Variants in HERC4 observed in about 807,000 individuals in gnomAD.
The protein encoded by HERC4 is probable E3 ubiquitin-protein ligase HERC4.
A neutral mutation model predicts 124.3 loss-of-function variants in HERC4; 28 were observed. That is an observed-to-expected ratio of 0.23 (90% CI 0.17 to 0.31). The LOEUF is 0.31. HERC4 is among the 10% of genes least tolerant of loss of function. The pLI is 1.00. For synonymous variants in HERC4, 407 were observed against 421.5 expected, an observed-to-expected ratio of 0.97 and a Z score of 0.42; for missense variants, 713 against 1,229.3, an observed-to-expected ratio of 0.58 and a Z score of 6.28.
intron 7 of HERC4, among the ~76,000 whole-genome samples, chr10:68,028,152 T>G (rs2039001539): frequency 6.6e-6 from 1 of 151,560 alleles, no homozygotes; most frequent in Admixed American, 6.6e-5. Context: ...GCTGGAATTC[T>G]TCTATAAATA....
chr10:67,955,222 A>T, intron 17 of HERC4, 92 bp from the exon 18 acceptor site: 1 of 1,050,292 alleles, frequency 9.5e-7, no homozygotes, highest in Non-Finnish European at 1.4e-6. Flanking sequence ...AGTTACAGGT[A>T]TTCTATAATT....
At chr10:67,943,651 T>C (rs2033099099) in intron 19 of HERC4, among the ~76,000 whole-genome samples, 1 of 152,186 alleles carries the variant, frequency 6.6e-6, no homozygotes, top group Admixed American at 6.5e-5. Flanking sequence ...CTGAGACAGC[T>C]GATAGTTAGG....
intron 15 of HERC4, among the ~76,000 whole-genome samples, chr10:67,976,626 T>G (rs1472782045): frequency 6.6e-6 from 1 of 152,096 alleles, no homozygotes; most frequent in East Asian, 1.9e-4. Context: ...AGCACCTGGT[T>G]TCAACTTCAT....
In HERC4 at chr10:68,032,868, A is replaced by G; in HGVS notation, c.687T>C (p.Asp229=). The G allele has an allele frequency of 6.9e-7, 1 of 1,443,362 alleles. No homozygotes were observed. The highest frequency in any genetic ancestry group is 9.8e-7 in the Non-Finnish European group (1 of 1,024,712). 89.4% of individuals were successfully genotyped at this position (1,443,362 alleles called of 1,614,324 possible). A position where few individuals can be genotyped will look rare whatever the true frequency, so the allele number is the denominator to read the frequency against. ...ACTTTAGTAAATTAGGAACATACCT[A>G]TCTGAAAATTCCAACAAGAGATGTT... The part of the protein sequence containing the change: ...FGQLGLNDEN[D]RYVPNLLKSL... The change falls in exon 7 of 25, where the codon GAT becomes GAC. Residue 229 remains aspartate, a splice_region_variant and synonymous_variant. Coordinates refer to ENST00000373700, the MANE Select transcript of HERC4 (RefSeq NM_015601.4).
At chr10:68,004,232 T>C (rs926609571) in intron 9 of HERC4, among the ~76,000 whole-genome samples, 2 of 152,234 alleles carry the variant, frequency 1.3e-5, no homozygotes, top group Non-Finnish European at 1.5e-5. Flanking sequence ...AACCGAGTTG[T>C]TGAGTTCAAC....
At chr10:67,948,924 C>T (rs2033589342) in intron 19 of HERC4, among the ~76,000 whole-genome samples, 1 of 148,762 alleles carries the variant, frequency 6.7e-6, no homozygotes, top group South Asian at 2.1e-4. Flanking sequence ...CTATCTCACA[C>T]CCTCAAAATA....
At chr10:68,026,457 A>G (rs558945635) in intron 7 of HERC4, among the ~76,000 whole-genome samples, 5 of 152,282 alleles carry the variant, frequency 3.3e-5, no homozygotes, top group African/African-American at 9.6e-5. Context: ...AAAACTCCCT[A>G]TAAAAACATA....
chr10:67,954,429 T>G lies in HERC4; in HGVS notation c.2337+166A>C, dbSNP rs540158032. The G allele has an allele frequency of 4.2e-5, 19 of 455,080 alleles. No individual in the cohort carries two copies. The South Asian group carries it at 1.5e-3, about 35-fold the overall frequency. 28.2% of individuals were successfully genotyped at this position (455,080 alleles called of 1,614,324 possible). ...TGTGTGGTAAGCATCAAATGTATTT[T>G]GACAACTCCAAGTCCAAAGTTTATA... On this transcript the variant is annotated intron_variant, in intron 19 of 24. Transcript: ENST00000373700.
intron 15 of HERC4, among the ~76,000 whole-genome samples, chr10:67,986,197 G>A (rs1206125803): frequency 6.6e-6 from 1 of 152,162 alleles, no homozygotes; most frequent in African/African-American, 2.4e-5. Context: ...AGTCATACCA[G>A]TATCATCCTG....
chr10:67,971,466 T>C (rs974109815), intron 15 of HERC4, among the ~76,000 whole-genome samples: 3 of 151,962 alleles, frequency 2.0e-5, no homozygotes, highest in Non-Finnish European at 2.9e-5. Flanking sequence ...ATCTCAAGAA[T>C]GCAAGGTTGG....
At chr10:67,951,206 T>C (rs1232348007) in intron 19 of HERC4, among the ~76,000 whole-genome samples, 1 of 152,172 alleles carries the variant, frequency 6.6e-6, no homozygotes, top group Non-Finnish European at 1.5e-5. Context: ...TCTGTGTTTC[T>C]AGCAGCACAG....
In HERC4 at chr10:68,009,306, T is replaced by C. The variant is rs2037786814; in HGVS notation, c.1069+4720A>G. The stretch of plus-strand genomic sequence containing the variant: ...TTTTCTTTTTTTTCTTTTATAGAGA[T>C]GAGAGTTAATGTGGCCCCAGCTGGT... On this transcript the variant is annotated intron_variant, in intron 9 of 24. Coordinates refer to ENST00000373700, the MANE Select transcript of HERC4 (RefSeq NM_015601.4). Among the ~76,000 whole-genome samples, 4 of 152,154 alleles carry C rather than the reference T, an allele frequency of 2.6e-5. No individual in the cohort carries two copies. The South Asian group carries it at 8.3e-4, about 32-fold the overall frequency.
chr10:68,042,361 A>G (rs959696049), intron 4 of HERC4, among the ~76,000 whole-genome samples: 22 of 152,280 alleles, frequency 1.4e-4, no homozygotes, highest in African/African-American at 5.1e-4. Context: ...ACAGTGGCTT[A>G]CGCCTGTAAT....
intron 18 of HERC4, 35 bp from the exon 19 acceptor site, chr10:67,954,773 T>C: frequency 6.3e-7 from 1 of 1,594,012 alleles, no homozygotes. Flanking sequence ...AAATAGACTG[T>C]AAAGAAATGA....
chr10:67,972,501 A>G (rs2132519966), intron 15 of HERC4, among the ~76,000 whole-genome samples: 1 of 150,022 alleles, frequency 6.7e-6, no homozygotes, highest in East Asian at 2.0e-4. Flanking sequence ...CCTGGGCAAA[A>G]AGAGTCAAAC....
At chr10:67,923,987 A>G (rs1319578442) in intron 24 of HERC4, among the ~76,000 whole-genome samples, 1 of 152,178 alleles carries the variant, frequency 6.6e-6, no homozygotes, top group Non-Finnish European at 1.5e-5. Flanking sequence ...AAATGAGGGA[A>G]CTAAGGCCTG....
intron 9 of HERC4, among the ~76,000 whole-genome samples, chr10:68,012,540 G>A (rs1441032416): frequency 6.6e-6 from 1 of 152,136 alleles, no homozygotes; most frequent in Admixed American, 6.5e-5. Flanking sequence ...CCAGCTGGTG[G>A]AGCAGTCAGA....
chr10:67,940,884 C>G (rs895558005), intron 20 of HERC4, 55 bp downstream of exon 20: 96 of 1,414,734 alleles, frequency 6.8e-5, no homozygotes, highest in Non-Finnish European at 9.0e-5. Context: ...TCTGTACCTT[C>G]CCCACTTTTT....
chr10:67,924,025 C>A (rs998436462), intron 24 of HERC4, among the ~76,000 whole-genome samples: 6 of 151,600 alleles, frequency 4.0e-5, no homozygotes, highest in Admixed American at 3.9e-4. Flanking sequence ...ATAGAAATTG[C>A]CAAAGTTTTA....
Sources: allele counts gnomAD v4.1 joint callset (sites outside exome capture counted in the v4.1 genomes callset), GRCh38; gene constraint gnomAD v4.1.1; transcripts MANE v1.5; gene names NCBI Gene and HGNC (gene_info 2026-07-23, HGNC 2026-07-21).